The following PAOX variants were observed in gnomAD, a reference collection of about 807,000 sequenced individuals.
PAOX encodes peroxisomal N(1)-acetyl-spermine/spermidine oxidase.
In PAOX, 38 loss-of-function variants were observed where a neutral mutation model predicts 39.0. The observed-to-expected ratio is 0.97, with a 90% CI of 0.75 to 1.28. The LOEUF is 1.28. Ranked by LOEUF, PAOX falls within the 50% of genes most tolerant of loss-of-function variation. The probability of loss-of-function intolerance (pLI) is 0.00; values close to 1 mark genes in which losing one functional copy is unlikely to be tolerated. For synonymous variants in PAOX, 311 were observed against 314.4 expected (o/e 0.99, Z 0.11); for missense variants, 667 against 685.7 (o/e 0.97, Z 0.30).
rs748507464 is a variant in PAOX, at chr10:133,389,744, C to T, written c.1389C>T (p.Ala463=). 2.6e-6 allele frequency: 4 copies of T among 1,536,918 alleles called. No homozygotes were observed. Among genetic ancestry groups the T allele is most frequent in the Non-Finnish European group, 3.5e-6 (4 of 1,141,122 alleles). ...CCCTCCCTGCAGACGGCGCCGGCGC[C>T]CAGGTATGTGGCGTGCCCCAGTCGG... ...AQPLPADGAG[A]QLQILFAGEA... is the part of the protein sequence containing the mutation. Residue 463 remains alanine (A), a synonymous_variant, in exon 6 of 7, where the codon GCC becomes GCT. Coordinates refer to ENST00000278060, the MANE Select transcript of PAOX (RefSeq NM_152911.4).
chr10:133,384,064 C>T lies in PAOX; in HGVS notation c.973C>T (p.Leu325=). The T allele has an allele frequency of 6.2e-7, 1 of 1,614,174 alleles. No individual in the cohort carries two copies. Among genetic ancestry groups the T allele is most frequent in the Non-Finnish European group, 8.5e-7 (1 of 1,180,012 alleles). ...IGFGTNNKIF[L]EFEEPFWEPD... ...CTTTGGGACCAACAACAAAATCTTC[C>T]TGGAGTTTGAGGAGCCCTTCTGGGA... The change falls in exon 4 of 7, where the codon CTG becomes TTG. Residue 325 remains leucine (L), a synonymous_variant. Coordinates refer to ENST00000278060, the MANE Select transcript of PAOX (RefSeq NM_152911.4). The surrounding 1 kb of genome is among the most constrained non-coding windows in gnomAD (Gnocchi z 4.3).
At chr10:133,383,891 G>A in intron 3 of PAOX, 69 bp from the exon 4 acceptor site, 1 of 1,537,834 alleles carries the variant, frequency 6.5e-7, no homozygotes, top group Non-Finnish European at 8.8e-7. Flanking sequence ...CTGGATCCAA[G>A]GTCTGGACAG....
rs780941579 is a variant in PAOX, at chr10:133,391,286, A to C, written c.1393-26A>C. The stretch of plus-strand genomic sequence containing the variant: ...ACCCTGCTGTCTGAATTGCATCCCC[A>C]TTCTAACCCTGGCTCTTCTTTGCAG... On this transcript the variant is annotated intron_variant, in intron 6 of 6. Transcript: ENST00000278060. 1.9e-6 allele frequency: 3 copies of C among 1,608,272 alleles called. No individual in the cohort carries two copies. In the Admixed American group the frequency reaches 5.0e-5, roughly 27 times the overall value.
intron 2 of PAOX, 27 bp from the exon 3 acceptor site, chr10:133,381,433 A>G: frequency 3.1e-6 from 5 of 1,610,382 alleles, no homozygotes; most frequent in Non-Finnish European, 4.2e-6. Context: ...CTGGGCCTCT[A>G]CGAAACCAGC....
In PAOX at chr10:133,384,349, C is replaced by A. The variant is rs552604500; in HGVS notation, c.1121+137C>A. 136 of 1,358,860 alleles carry A rather than the reference C, an allele frequency of 1.0e-4. No homozygotes were observed. The Middle Eastern group carries it at 1.9e-3, about 19-fold the overall frequency. The allele number at this position is 1,358,860 out of a possible 1,614,324, so 84.2% of individuals were successfully genotyped here. A position where few individuals can be genotyped will look rare whatever the true frequency, so the allele number is the denominator to read the frequency against. On this transcript the variant is annotated intron_variant, in intron 4 of 6. Coordinates refer to ENST00000278060, the MANE Select transcript of PAOX (RefSeq NM_152911.4). This position sits in a 1 kb window ranked among gnomAD's most constrained non-coding sequence, Gnocchi z 4.3. ...GGTAGGGTTCCCATGAGCGCCCCCC[C>A]ACCAGGTGCTGGCTGCACCTGGGCC...
intron 5 of PAOX, 93 bp from the exon 6 acceptor site, chr10:133,389,497 A>C: frequency 6.5e-7 from 1 of 1,547,582 alleles, no homozygotes; most frequent in South Asian, 1.1e-5. Context: ...AGCATCTTTC[A>C]CGTTAAACTG....
At chr10:133,389,801 C>A in intron 6 of PAOX, 54 bp downstream of exon 6, 2 of 1,398,922 alleles carry the variant, frequency 1.4e-6, no homozygotes, top group East Asian at 2.8e-5. Flanking sequence ...AGGCCCCCGC[C>A]GAGTCTGGGC....
At chr10:133,380,585 G>A (rs1849339169) in intron 2 of PAOX, 100 bp downstream of exon 2, 3 of 1,409,206 alleles carry the variant, frequency 2.1e-6, no homozygotes, top group African/African-American at 1.4e-5. Flanking sequence ...GGAGGGACAG[G>A]AGACCATTTG....
intron 5 of PAOX, 144 bp from the exon 6 acceptor site, chr10:133,389,446 C>T (rs970234623): frequency 5.3e-5 from 66 of 1,235,956 alleles, no homozygotes; most frequent in Non-Finnish European, 6.2e-5. Context: ...GCAGGAAGAG[C>T]CTCTCCTGAC....
chr10:133,389,373 C>T (rs149014570), intron 5 of PAOX, among the ~76,000 whole-genome samples: 4,117 of 152,298 alleles, frequency 0.027, 85 homozygotes, highest in Middle Eastern at 0.054. Flanking sequence ...TCCCGGGTCC[C>T]GGCCCGCTGC....
Position 133,379,823 on chromosome 10 carries a change from G to T in PAOX, c.182-176G>T, listed in dbSNP as rs895614687. The T allele has an allele frequency of 1.3e-5, 10 of 794,558 alleles. No individual in the cohort carries two copies. The African/African-American group carries it at 1.6e-4, about 12-fold the overall frequency. The allele number at this position is 794,558 out of a possible 1,614,324, so 49.2% of individuals were successfully genotyped here. ...CGCCCGACAAGTGCCCTCCTGCCCA[G>T]GTGCTCCCCTTAAACTGGGTCTGAC... On this transcript the variant is annotated intron_variant, in intron 1 of 6. Coordinates refer to ENST00000278060, the MANE Select transcript of PAOX (RefSeq NM_152911.4).
intron 4 of PAOX, among the ~76,000 whole-genome samples, chr10:133,386,018 C>CTTTT (rs60370984): frequency 1.4e-5 from 2 of 141,282 alleles, no homozygotes; most frequent in Non-Finnish European, 3.0e-5. Flanking sequence ...TTCTGCAAAA[C>CTTTT]TTTTTTTTTT....
intron 5 of PAOX, 56 bp from the exon 6 acceptor site, chr10:133,389,534 G>A (rs1277821205): frequency 6.2e-7 from 1 of 1,608,142 alleles, no homozygotes; most frequent in Non-Finnish European, 8.5e-7. Flanking sequence ...GACAAAAACA[G>A]TTGCAGACCT....
rs1849316516 is a variant in PAOX at position 133,380,091 on chromosome 10, G to T, written c.274G>T (p.Glu92Ter). Residue 92 changes from glutamate (E) to a stop codon, truncating the protein, a stop_gained, in exon 2 of 7, where the codon GAG becomes TAG. Coordinates refer to ENST00000278060, the MANE Select transcript of PAOX (RefSeq NM_152911.4). LOFTEE classifies it high-confidence loss of function. Reference sequence around the variant, plus strand: ...GGCTGCTGAGTACGGGCTGCTGGGGGAGAAGGAGCTGTCCCAGGAGAACCA... The same window carrying T: ...GGCTGCTGAGTACGGGCTGCTGGGGTAGAAGGAGCTGTCCCAGGAGAACCA... ...QLAAEYGLLG[E>*]KELSQENQLV... 6.4e-7 allele frequency: 1 copy of T among 1,552,792 alleles called. No individual in the cohort carries two copies. The highest frequency in any genetic ancestry group is 8.7e-7 in the Non-Finnish European group (1 of 1,150,234).
At chr10:133,390,707 T>C (rs1849651523) in intron 6 of PAOX, 2 of 541,148 alleles carry the variant, frequency 3.7e-6, no homozygotes, top group Non-Finnish European at 6.6e-6. Flanking sequence ...CTCTCTTCAG[T>C]GAACCTGCTT....
intron 4 of PAOX, among the ~76,000 whole-genome samples, chr10:133,387,065 A>G (rs918802377): frequency 6.6e-6 from 1 of 152,028 alleles, no homozygotes. Context: ...GATGGCTTGA[A>G]CTCAGGAGTT....
Position 133,380,332 on chromosome 10 carries a change from A to T in PAOX, c.515A>T (p.Glu172Val). The T allele has an allele frequency of 1.2e-6, 2 of 1,612,930 alleles. No individual in the cohort carries two copies. Among genetic ancestry groups the T allele is most frequent in the South Asian group, 2.2e-5 (2 of 91,088 alleles). Reference sequence around the variant, plus strand: ...GGCCAGCACGTGGCCGGCTGGACAGAGGATGAGGAGACCAGGAAGCTGAAG... The same window carrying T: ...GGCCAGCACGTGGCCGGCTGGACAGTGGATGAGGAGACCAGGAAGCTGAAG... ...EIGQHVAGWT[E>V]DEETRKLKLA... Residue 172 changes from glutamate (E) to valine (V), a missense_variant, in exon 2 of 7, where the codon GAG becomes GTG. Coordinates refer to ENST00000278060, the MANE Select transcript of PAOX (RefSeq NM_152911.4).
intron 1 of PAOX, 129 bp downstream of exon 1, chr10:133,379,626 C>T: frequency 3.8e-6 from 3 of 786,244 alleles, no homozygotes; most frequent in East Asian, 3.4e-5. Flanking sequence ...AATCCCCGCT[C>T]GCTTAATCCG....
rs371466427 is a variant in PAOX at position 133,384,083 on chromosome 10, T to C, written c.992T>C (p.Phe331Ser). 12 of 1,614,178 alleles carry C rather than the reference T, an allele frequency of 7.4e-6. No individual in the cohort carries two copies. Among genetic ancestry groups the C allele is most frequent in the Middle Eastern group, 3.3e-4 (2 of 6,062 alleles). The change falls in exon 4 of 7, where the codon TTC (phenylalanine) becomes TCC (serine). Residue 331 changes from phenylalanine (F) to serine (S), a missense_variant. Physicochemically the swap from Phe to Ser is radical, Grantham distance 155 (BLOSUM62 -2). Transcript: ENST00000278060. The surrounding 1 kb of genome is among the most constrained non-coding windows in gnomAD (Gnocchi z 4.3). ...NKIFLEFEEP[F>S]WEPDCQLIQL... ...ATCTTCCTGGAGTTTGAGGAGCCCTTCTGGGAGCCAGACTGCCAGCTGATC... is the reference window on the plus strand; with the variant it reads ...ATCTTCCTGGAGTTTGAGGAGCCCTCCTGGGAGCCAGACTGCCAGCTGATC...
Sources: gnomAD v4.1 joint callset for allele counts (sites outside exome capture counted in the v4.1 genomes callset) on GRCh38, gnomAD v4.1.1 for gene constraint, Gnocchi (gnomAD v3.1) non-coding constraint, MANE v1.5 for transcripts, NCBI Gene and HGNC (gene_info 2026-07-23, HGNC 2026-07-21) for gene names.